Variants in ZMIZ1 observed in about 807,000 individuals in gnomAD.
ZMIZ1 encodes zinc finger MIZ domain-containing protein 1.
ZMIZ1 carries 17 observed loss-of-function variants against 113.9 expected under a neutral mutation model. The ratio of observed to expected loss-of-function variants is 0.15; its 90% CI spans 0.10 to 0.22. The LOEUF (loss-of-function observed/expected upper bound fraction) is 0.22. Among genes scored for constraint, ZMIZ1 ranks in the 10% least tolerant of loss-of-function variants. ZMIZ1 has a pLI of 1.00. For synonymous variants in ZMIZ1, 607 were observed against 603.1 expected (o/e 1.01, Z -0.09); for missense variants, 1,059 against 1,477.8 (o/e 0.72, Z 4.65).
At chr10:79,129,540 T>C (rs1270046343) in intron 2 of ZMIZ1, among the ~76,000 whole-genome samples, 10 of 152,012 alleles carry the variant, frequency 6.6e-5, no homozygotes, top group Non-Finnish European at 1.5e-5. Flanking sequence ...CTGGCTCCAG[T>C]CTCCTCTCTG....
At chr10:79,283,723 A>AT (rs557129471) in intron 8 of ZMIZ1, among the ~76,000 whole-genome samples, 64 of 152,200 alleles carry the variant, frequency 4.2e-4, no homozygotes, top group Non-Finnish European at 7.8e-4. Flanking sequence ...GATGCAAAGG[A>AT]TTTTTTCCTT....
At chr10:79,147,661 A>G (rs1188318010) in intron 3 of ZMIZ1, among the ~76,000 whole-genome samples, 3 of 152,162 alleles carry the variant, frequency 2.0e-5, no homozygotes, top group Non-Finnish European at 4.4e-5. Flanking sequence ...AACCCCTGTG[A>G]TCTTGTCATG....
chr10:79,145,183 G>T (rs1344892129), intron 3 of ZMIZ1, among the ~76,000 whole-genome samples: 1 of 151,462 alleles, frequency 6.6e-6, no homozygotes, highest in African/African-American at 2.4e-5. Context: ...TCCGCTCATG[G>T]CCTTGCCTCT....
Position 79,293,474 on chromosome 10 carries a change from A to G in ZMIZ1, c.1051A>G (p.Met351Val), listed in dbSNP as rs1853655757. The stretch of plus-strand genomic sequence containing the variant: ...GGGGGGCAGCATGAACCCCGCGAGC[A>G]TGGCGGCTGGCATGACGCCCTCGGG... The part of the protein sequence containing the change: ...SMGGSMNPAS[M>V]AAGMTPSGMS... The change falls in exon 12 of 25, where the codon ATG (methionine) becomes GTG (valine). Residue 351 changes from methionine to valine, a missense_variant. This residue lies in a region of ZMIZ1 where 83 missense variants were observed against 103.7 expected (regional missense o/e 0.80). Coordinates refer to ENST00000334512, the MANE Select transcript of ZMIZ1 (RefSeq NM_020338.4). The G allele has an allele frequency of 6.4e-7, 1 of 1,569,146 alleles. No homozygotes were observed. Among genetic ancestry groups the G allele is most frequent in the Non-Finnish European group, 8.7e-7 (1 of 1,155,578 alleles).
At position 79,307,532 on chromosome 10, in the gene ZMIZ1, C is replaced by T. The variant is rs781243226; in HGVS notation, c.2796C>T (p.Ala932=). The T allele has an allele frequency of 1.5e-5, 24 of 1,611,874 alleles. No homozygotes were observed. The highest frequency in any genetic ancestry group is 3.3e-5 in the South Asian group (3 of 90,960). Residue 932 remains alanine, a synonymous_variant, in exon 23 of 25, where the codon GCC becomes GCT. Transcript: ENST00000334512. ...CCCCGGACATGCCCAACAACATGGC[C>T]GCCCTCGAGAAACCCCTCAGCCACC... ...SHPPDMPNNM[A]ALEKPLSHPM... is the part of the protein sequence containing the mutation.
chr10:79,099,319 C>A (rs1843275705), intron 1 of ZMIZ1, among the ~76,000 whole-genome samples: 1 of 152,114 alleles, frequency 6.6e-6, no homozygotes, highest in African/African-American at 2.4e-5. Context: ...ACCCCATGCT[C>A]CCATGAGCAG....
In ZMIZ1 at chr10:79,277,407, G is replaced by A. The variant is rs939233173; in HGVS notation, c.425+82G>A. ...ATCTCCTTGGACATGTCCCTGGGGT[G>A]GGGGCCTCTGTGCAACCATGAGGAT... On this transcript the variant is annotated intron_variant, in intron 8 of 24. Transcript: ENST00000334512. 12 of 1,461,756 alleles carry A rather than the reference G, an allele frequency of 8.2e-6. No individual in the cohort carries two copies. In the East Asian group the frequency reaches 3.0e-4, roughly 37 times the overall value. 90.5% of individuals were successfully genotyped at this position (1,461,756 alleles called of 1,614,324 possible).
intron 16 of ZMIZ1, 100 bp downstream of exon 16, chr10:79,299,291 C>A: frequency 6.9e-7 from 1 of 1,455,944 alleles, no homozygotes; most frequent in South Asian, 1.3e-5. Context: ...GGGGTAGCAG[C>A]ATCTTCTGAC....
intron 7 of ZMIZ1, among the ~76,000 whole-genome samples, chr10:79,241,263 G>A (rs1849816716): frequency 6.6e-6 from 1 of 152,168 alleles, no homozygotes; most frequent in African/African-American, 2.4e-5. Flanking sequence ...CTGAGCAGTG[G>A]GCTTTAGAGT....
intron 1 of ZMIZ1, among the ~76,000 whole-genome samples, chr10:79,113,402 G>C (rs1379632703): frequency 6.6e-6 from 1 of 152,192 alleles, no homozygotes; most frequent in African/African-American, 2.4e-5. Context: ...TGGAGGTGCT[G>C]CTGCCCGGGC....
At chr10:79,305,724 A>G (rs918080884) in intron 21 of ZMIZ1, 123 bp downstream of exon 21, 125 of 982,636 alleles carry the variant, frequency 1.3e-4, no homozygotes, top group Non-Finnish European at 1.9e-4. Context: ...CGTGACCCAC[A>G]TCCCCCACCT....
At chr10:79,131,284 A>G (rs905922811) in intron 2 of ZMIZ1, among the ~76,000 whole-genome samples, 2 of 151,248 alleles carry the variant, frequency 1.3e-5, no homozygotes, top group Non-Finnish European at 2.9e-5. Flanking sequence ...GTCCTGAGCT[A>G]CTCTGTGCAG....
intron 7 of ZMIZ1, among the ~76,000 whole-genome samples, chr10:79,223,853 G>C (rs985287361): frequency 6.6e-6 from 1 of 152,226 alleles, no homozygotes; most frequent in Admixed American, 6.5e-5. Context: ...GAGGGATGAG[G>C]CCTGAGATCC....
intron 2 of ZMIZ1, among the ~76,000 whole-genome samples, chr10:79,134,396 T>A (rs1014212305): frequency 2.6e-5 from 4 of 152,200 alleles, no homozygotes; most frequent in Admixed American, 1.3e-4. Flanking sequence ...TGTTGTATGC[T>A]GTTGTCAGGA....
At chr10:79,203,473 C>T (rs1848183668) in intron 5 of ZMIZ1, among the ~76,000 whole-genome samples, 1 of 152,170 alleles carries the variant, frequency 6.6e-6, no homozygotes, top group Non-Finnish European at 1.5e-5. Context: ...CTGCAGGGCT[C>T]TTTCCTAGCT....
At chr10:79,072,080 G>A (rs768096188) in intron 1 of ZMIZ1, among the ~76,000 whole-genome samples, 1 of 152,104 alleles carries the variant, frequency 6.6e-6, no homozygotes, top group Non-Finnish European at 1.5e-5. Flanking sequence ...GAAATTGCTG[G>A]ACTTATGAAT....
intron 7 of ZMIZ1, among the ~76,000 whole-genome samples, chr10:79,236,201 A>C (rs1316176758): frequency 6.6e-6 from 1 of 152,182 alleles, no homozygotes; most frequent in Non-Finnish European, 1.5e-5. Context: ...GAGTGGCCCC[A>C]AATCTTTTCC....
chr10:79,169,757 C>G (rs1281421951), intron 4 of ZMIZ1, among the ~76,000 whole-genome samples: 8 of 152,272 alleles, frequency 5.3e-5, no homozygotes, highest in Admixed American at 2.0e-4. Flanking sequence ...CTTCAACTCA[C>G]CTGTTTCCTC....
intron 1 of ZMIZ1, among the ~76,000 whole-genome samples, chr10:79,087,069 T>A (rs1400515766): frequency 6.6e-6 from 1 of 152,270 alleles, no homozygotes; most frequent in Non-Finnish European, 1.5e-5. Flanking sequence ...AGATTTTATC[T>A]GCCTTTCCTA....
Sources: gnomAD v4.1 joint callset for allele counts (sites outside exome capture counted in the v4.1 genomes callset) on GRCh38, gnomAD v4.1.1 for gene constraint, gnomAD v4.1.1 regional missense constraint, MANE v1.5 for transcripts, NCBI Gene and HGNC (gene_info 2026-07-23, HGNC 2026-07-21) for gene names.